Variants in ARHGAP22 observed in about 807,000 individuals in gnomAD.
ARHGAP22 encodes the protein Rho GTPase activating protein 22, also known as rho GTPase-activating protein 22.
A neutral mutation model predicts 59.1 loss-of-function variants in ARHGAP22; 48 were observed. The ratio of observed to expected loss-of-function variants is 0.81; its 90% CI spans 0.64 to 1.03. The LOEUF (loss-of-function observed/expected upper bound fraction) is 1.03, where lower values mean the gene tolerates loss of function less well. ARHGAP22 is among the 50% of genes least tolerant of loss of function. The pLI, the probability that ARHGAP22 is intolerant of heterozygous loss-of-function variation, is 0.00. For synonymous variants in ARHGAP22, 445 were observed against 416.4 expected, an observed-to-expected ratio of 1.07 and a Z score of -0.84; for missense variants, 1,015 against 958.7, an observed-to-expected ratio of 1.06 and a Z score of -0.78.
At chr10:48,462,375 G>A (rs7914373) in intron 4 of ARHGAP22, among the ~76,000 whole-genome samples, 1,747 of 152,158 alleles carry the variant, frequency 0.011, 38 homozygotes, top group African/African-American at 0.04. Flanking sequence ...ATAACTTAGG[G>A]ACTGTCACTA....
chr10:48,555,589 T>C lies in ARHGAP22; in HGVS notation c.235-39A>G, dbSNP rs530788503. 5.0e-6 allele frequency: 8 copies of C among 1,594,664 alleles called. No individual in the cohort carries two copies. In the African/African-American group the frequency reaches 1.1e-4, roughly 21 times the overall value. The stretch of plus-strand genomic sequence containing the variant: ...AAACACAAACACAGGGAGCATGAGA[T>C]GATGGGGAGGGGACTGCTGTCGTCA... On this transcript the variant is annotated intron_variant, in intron 2 of 9. Coordinates refer to ENST00000249601, the MANE Select transcript of ARHGAP22 (RefSeq NM_021226.4).
chr10:48,491,152 C>T (rs2050351314), intron 3 of ARHGAP22, among the ~76,000 whole-genome samples: 1 of 152,170 alleles, frequency 6.6e-6, no homozygotes, highest in Admixed American at 6.5e-5. Flanking sequence ...CCCAGCAGGC[C>T]CCTCTTGGCA....
exon 1 of ARHGAP22, chr10:48,652,417 T>G: frequency 1.4e-6 from 1 of 735,704 alleles, no homozygotes; most frequent in Non-Finnish European, 2.3e-6. Context: ...GAAATATATT[T>G]AGAATGCCCT....
At chr10:48,556,828 G>C (rs1397637426) in intron 2 of ARHGAP22, 3 of 152,190 alleles carry the variant, frequency 2.0e-5, no homozygotes, top group Non-Finnish European at 4.4e-5. Flanking sequence ...CATTTACCCA[G>C]GTGAGGGGCA....
At chr10:48,649,676 G>A (rs1391632390) in intron 1 of ARHGAP22, among the ~76,000 whole-genome samples, 1 of 152,178 alleles carries the variant, frequency 6.6e-6, no homozygotes, top group East Asian at 1.9e-4. Context: ...AGCTAGTCCT[G>A]CTGGCAGGAG....
chr10:48,505,106 T>C (rs1400759686), intron 3 of ARHGAP22, among the ~76,000 whole-genome samples: 1 of 152,176 alleles, frequency 6.6e-6, no homozygotes, highest in Non-Finnish European at 1.5e-5. Context: ...CAGGCTGGCA[T>C]GCAGTGGCAC....
At chr10:48,598,092 C>T (rs964376117) in intron 1 of ARHGAP22, among the ~76,000 whole-genome samples, 4 of 152,264 alleles carry the variant, frequency 2.6e-5, no homozygotes, top group South Asian at 4.1e-4. Flanking sequence ...CAGCCCAGCA[C>T]CTAGCAGCAC....
intron 3 of ARHGAP22, among the ~76,000 whole-genome samples, chr10:48,525,220 A>C (rs139879252): frequency 4.3e-4 from 66 of 152,346 alleles, no homozygotes; most frequent in African/African-American, 1.5e-3. Context: ...ATGGAAGGCT[A>C]TTCATGGCAG....
intron 3 of ARHGAP22, among the ~76,000 whole-genome samples, chr10:48,489,774 C>T (rs1265723874): frequency 2.8e-5 from 4 of 143,448 alleles, no homozygotes; most frequent in African/African-American, 1.1e-4. Context: ...CACACTGTAG[C>T]CCAGGCTGGA....
At chr10:48,540,166 T>C (rs766318998) in intron 3 of ARHGAP22, among the ~76,000 whole-genome samples, 1 of 152,238 alleles carries the variant, frequency 6.6e-6, no homozygotes, top group Non-Finnish European at 1.5e-5. Flanking sequence ...ACCATCATTT[T>C]CTAGCCATCT....
chr10:48,517,175 A>G (rs747478854), intron 3 of ARHGAP22, among the ~76,000 whole-genome samples: 42 of 152,338 alleles, frequency 2.8e-4, no homozygotes, highest in Admixed American at 2.5e-3. Context: ...TGATAGTTGC[A>G]TAACTCTGTG....
chr10:48,644,035 T>A (rs1026878723), intron 1 of ARHGAP22, among the ~76,000 whole-genome samples: 10 of 152,072 alleles, frequency 6.6e-5, no homozygotes, highest in Admixed American at 5.2e-4. Flanking sequence ...TAATCCCAGC[T>A]ACGTGGGAGG....
intron 1 of ARHGAP22, among the ~76,000 whole-genome samples, chr10:48,616,176 C>A (rs1466649278): frequency 6.6e-6 from 1 of 152,218 alleles, no homozygotes; most frequent in Non-Finnish European, 1.5e-5. Context: ...CATTTAGCGT[C>A]TTGGTGTCAA....
intron 4 of ARHGAP22, among the ~76,000 whole-genome samples, chr10:48,473,542 C>G (rs550140858): frequency 1.3e-5 from 1 of 74,418 alleles, no homozygotes; most frequent in African/African-American, 7.7e-5. Context: ...ACTCAGAGAA[C>G]GCTGAGGACT....
chr10:48,630,775 T>C (rs1487306387), intron 1 of ARHGAP22, among the ~76,000 whole-genome samples: 2 of 152,222 alleles, frequency 1.3e-5, no homozygotes, highest in Non-Finnish European at 2.9e-5. Flanking sequence ...TCTGTATATA[T>C]ATGGCTTCCT....
chr10:48,453,980 T>G, intron 7 of ARHGAP22, 108 bp downstream of exon 7: 1 of 1,175,480 alleles, frequency 8.5e-7, no homozygotes, highest in Admixed American at 1.7e-5. Context: ...GGGTGGGGAA[T>G]GACCCGGGCC....
upstream of ARHGAP22, among the ~76,000 whole-genome samples, chr10:48,609,862 A>G (rs1348577925): frequency 6.6e-6 from 1 of 152,122 alleles, no homozygotes; most frequent in Non-Finnish European, 1.5e-5. Context: ...TATATACGAA[A>G]CCTATCATAT....
intron 2 of ARHGAP22, among the ~76,000 whole-genome samples, chr10:48,556,912 T>C (rs575779330): frequency 6.6e-6 from 1 of 152,152 alleles, no homozygotes; most frequent in South Asian, 2.1e-4. Context: ...ACCCCCAATA[T>C]TTTCCAGGCA....
At chr10:48,451,358 GCA>G in intron 8 of ARHGAP22, 1 of 731,646 alleles carries the variant, frequency 1.4e-6, no homozygotes, top group Non-Finnish European at 2.4e-6. Context: ...CCTTCCTCAG[GCA>G]CAGAGCCGCA....
Sources: allele counts gnomAD v4.1 joint callset (sites outside exome capture counted in the v4.1 genomes callset), GRCh38; gene constraint gnomAD v4.1.1; transcripts MANE v1.5; gene names NCBI Gene and HGNC (gene_info 2026-07-23, HGNC 2026-07-21).